Variants in DNER observed in about 807,000 individuals in gnomAD.
DNER encodes delta and Notch-like epidermal growth factor-related receptor.
Under a neutral mutation model 78.2 loss-of-function variants are expected in DNER, and 33 were observed. The ratio of observed to expected loss-of-function variants is 0.42; its 90% CI spans 0.32 to 0.56. DNER has a LOEUF of 0.56. Ranked by LOEUF, DNER falls within the 20% of genes least tolerant of loss-of-function variation. DNER has a pLI of 0.11. For synonymous variants in DNER, 417 were observed against 384.8 expected (o/e 1.08, Z -0.98); for missense variants, 918 against 975.3 (o/e 0.94, Z 0.78).
At chr2:229,411,665 A>G (rs1178137445) in intron 9 of DNER, among the ~76,000 whole-genome samples, 8 of 152,356 alleles carry the variant, frequency 5.3e-5, no homozygotes, top group Admixed American at 2.0e-4. Context: ...AAAACAATGT[A>G]AAGATATTAA....
chr2:229,689,832 GC>G (rs1699538885), intron 1 of DNER, among the ~76,000 whole-genome samples: 1 of 152,160 alleles, frequency 6.6e-6, no homozygotes, highest in Admixed American at 6.5e-5. Context: ...AAGGTGGTTT[GC>G]CCAGGGTTTT....
chr2:229,413,760 C>T (rs1487894665), intron 9 of DNER, among the ~76,000 whole-genome samples: 3 of 149,160 alleles, frequency 2.0e-5, no homozygotes, highest in African/African-American at 7.4e-5. Context: ...TATATATATC[C>T]TCCTAAAAAT....
intron 6 of DNER, among the ~76,000 whole-genome samples, chr2:229,487,571 A>G (rs1388619946): frequency 6.6e-6 from 1 of 152,270 alleles, no homozygotes; most frequent in African/African-American, 2.4e-5. Flanking sequence ...TTAAGGTGTT[A>G]CACCATGAGA....
intron 5 of DNER, among the ~76,000 whole-genome samples, chr2:229,524,027 G>A (rs990101321): frequency 6.6e-6 from 1 of 152,234 alleles, no homozygotes. Flanking sequence ...TACCTCTGAG[G>A]TGGCTGTTAT....
Position 229,624,639 on chromosome 2 carries a change from G to A in DNER, c.277-32751C>T, listed in dbSNP as rs116098127. 9.5e-3 allele frequency among the ~76,000 whole-genome samples: 1,441 copies of A among 152,276 alleles called. 21 individuals carry two copies. Among genetic ancestry groups the A allele is most frequent in the African/African-American group, 0.033 (1,366 of 41,554 alleles). ...TCTTAAATAGTACTTAAATAGTAGC[G>A]TGTCCTGATTTCAACAAGATCAGGT... is the stretch of plus-strand genomic sequence containing the variant. On this transcript the variant is annotated intron_variant, in intron 1 of 12. Transcript: ENST00000341772.
At chr2:229,413,318 C>A in intron 9 of DNER, among the ~76,000 whole-genome samples, 1 of 89,502 alleles carries the variant, frequency 1.1e-5, no homozygotes, top group South Asian at 3.4e-4. Flanking sequence ...TCTTTTTCTT[C>A]TTCTTTTTTT....
At chr2:229,399,975 G>C (rs6733289) in intron 10 of DNER, among the ~76,000 whole-genome samples, 91,858 of 151,706 alleles carry the variant, frequency 0.61, 29,162 homozygotes, top group East Asian at 0.91. Context: ...AAATGGGTAG[G>C]ATTGATAAGA....
Position 229,447,328 on chromosome 2 carries a change from G to C in DNER, c.1474C>G (p.Leu492Val). 1.2e-6 allele frequency: 2 copies of C among 1,602,716 alleles called. No individual in the cohort carries two copies. Among genetic ancestry groups the C allele is most frequent in the East Asian group, 4.5e-5 (2 of 44,478 alleles). ...GGGCGGTACCCACCTGGATCACAGAGGCATTTGTAGCTGGTGCCCACGCTG... is the reference window on the plus strand; with the variant it reads ...GGGCGGTACCCACCTGGATCACAGACGCATTTGTAGCTGGTGCCCACGCTG... Reference protein sequence around the residue: ...CRSVGTSYKCLCDPGYHGLYC... With the variant: ...CRSVGTSYKCVCDPGYHGLYC... Residue 492 changes from leucine to valine, a missense_variant, in exon 8 of 13, where the codon CTC (leucine) becomes GTC (valine). Leu to Val is a conservative substitution (Grantham distance 32, BLOSUM62 1). Transcript: ENST00000341772.
At chr2:229,634,290 A>G (rs1698491976) in intron 1 of DNER, among the ~76,000 whole-genome samples, 1 of 150,940 alleles carries the variant, frequency 6.6e-6, no homozygotes, top group African/African-American at 2.4e-5. Context: ...TCTTTCCTTC[A>G]TTCCTTTCTC....
At chr2:229,603,190 A>T (rs76550120) in intron 1 of DNER, among the ~76,000 whole-genome samples, 4,666 of 152,312 alleles carry the variant, frequency 0.031, 217 homozygotes, top group African/African-American at 0.097. Flanking sequence ...TGTAGATCCA[A>T]TTGAAAGGTA....
At chr2:229,639,805 G>C (rs576237833) in intron 1 of DNER, among the ~76,000 whole-genome samples, 6 of 152,162 alleles carry the variant, frequency 3.9e-5, no homozygotes, top group African/African-American at 7.2e-5. Flanking sequence ...AAATCGGCCA[G>C]GATGCAGCGA....
rs1695969165 is a variant in DNER, at chr2:229,516,280, T to C, written c.994-3344A>G. Among the ~76,000 whole-genome samples, 4 of 152,244 alleles carry C rather than the reference T, an allele frequency of 2.6e-5. No homozygotes were observed. In the South Asian group the frequency reaches 8.3e-4, roughly 32 times the overall value. On this transcript the variant is annotated intron_variant, in intron 5 of 12. Transcript: ENST00000341772. ...TTTGTTTTGATAGTTTTAAGACTGCTGACTTGTAAGAGATCATGAATGTTT... is the reference window on the plus strand; with the variant it reads ...TTTGTTTTGATAGTTTTAAGACTGCCGACTTGTAAGAGATCATGAATGTTT...
intron 5 of DNER, among the ~76,000 whole-genome samples, chr2:229,533,314 T>C (rs936102826): frequency 6.6e-6 from 1 of 152,104 alleles, no homozygotes; most frequent in Non-Finnish European, 1.5e-5. Flanking sequence ...TTTATAATAA[T>C]ATTAAGACAT....
At chr2:229,635,511 T>C (rs1698515622) in intron 1 of DNER, among the ~76,000 whole-genome samples, 1 of 152,106 alleles carries the variant, frequency 6.6e-6, no homozygotes, top group Non-Finnish European at 1.5e-5. Flanking sequence ...GACACAAGTC[T>C]CAATGTCTTT....
At chr2:229,588,134 G>T (rs1697534171) in intron 3 of DNER, among the ~76,000 whole-genome samples, 2 of 152,114 alleles carry the variant, frequency 1.3e-5, no homozygotes, top group Admixed American at 6.6e-5. Flanking sequence ...CTTATCTAAG[G>T]CCTCACGGTT....
At chr2:229,497,548 C>T (rs1422458307) in intron 6 of DNER, among the ~76,000 whole-genome samples, 1 of 150,406 alleles carries the variant, frequency 6.6e-6, no homozygotes, top group East Asian at 1.9e-4. Context: ...AAAACTTTAG[C>T]TAGACTAACA....
At chr2:229,454,310 C>T (rs1694524516) in intron 7 of DNER, among the ~76,000 whole-genome samples, 1 of 152,078 alleles carries the variant, frequency 6.6e-6, no homozygotes, top group Non-Finnish European at 1.5e-5. Flanking sequence ...GGAATACAGG[C>T]CAGAGGGAGA....
At chr2:229,708,991 G>A (rs1559217007) in intron 1 of DNER, among the ~76,000 whole-genome samples, 1 of 152,080 alleles carries the variant, frequency 6.6e-6, no homozygotes, top group East Asian at 1.9e-4. Flanking sequence ...AGAATAAAAA[G>A]TACACATTTA....
chr2:229,509,714 C>T (rs1472987065), intron 6 of DNER, among the ~76,000 whole-genome samples: 1 of 152,128 alleles, frequency 6.6e-6, no homozygotes, highest in Non-Finnish European at 1.5e-5. Flanking sequence ...CTTAGGAGGG[C>T]TGAAGCAGGA....
Sources: gnomAD v4.1 joint callset for allele counts (sites outside exome capture counted in the v4.1 genomes callset) on GRCh38, gnomAD v4.1.1 for gene constraint, MANE v1.5 for transcripts, NCBI Gene and HGNC (gene_info 2026-07-23, HGNC 2026-07-21) for gene names.